The following COL25A1 variants were observed in gnomAD, a reference collection of about 807,000 sequenced individuals.
COL25A1 encodes the protein collagen alpha-1(XXV) chain.
In COL25A1, 103 loss-of-function variants were observed where a neutral mutation model predicts 128.4. The observed-to-expected ratio is 0.80, with a 90% CI of 0.68 to 0.94. COL25A1 has a LOEUF of 0.94. Ranked by LOEUF, COL25A1 falls within the 40% of genes least tolerant of loss-of-function variation. The pLI is 0.00. For missense variants in COL25A1, 745 were observed against 840.0 expected (o/e 0.89, Z 1.40); for synonymous variants, 279 against 277.2 (o/e 1.01, Z -0.06).
At chr4:109,275,968 C>T (rs544982055) in intron 3 of COL25A1, among the ~76,000 whole-genome samples, 108 of 152,324 alleles carry the variant, frequency 7.1e-4, no homozygotes, top group African/African-American at 2.5e-3. Context: ...AACACCTACC[C>T]ATTATTCAGT....
intron 5 of COL25A1, among the ~76,000 whole-genome samples, chr4:109,047,002 C>T (rs1192424890): frequency 6.6e-6 from 1 of 152,112 alleles, no homozygotes; most frequent in Non-Finnish European, 1.5e-5. Context: ...GAGTGCAAAA[C>T]AGACTGGAAT....
At chr4:109,026,274 T>C (rs1758279291) in intron 5 of COL25A1, among the ~76,000 whole-genome samples, 3 of 151,594 alleles carry the variant, frequency 2.0e-5, no homozygotes, top group African/African-American at 4.9e-5. Context: ...AAACTGAGGA[T>C]AAAAAAAACC....
intron 3 of COL25A1, among the ~76,000 whole-genome samples, chr4:109,104,032 T>C (rs565069109): frequency 8.5e-5 from 13 of 152,306 alleles, no homozygotes; most frequent in Non-Finnish European, 1.5e-4. Flanking sequence ...AAATTTTTTA[T>C]AGAAATATTC....
At chr4:109,035,988 C>T (rs751291166) in intron 5 of COL25A1, among the ~76,000 whole-genome samples, 1 of 151,878 alleles carries the variant, frequency 6.6e-6, no homozygotes, top group African/African-American at 2.4e-5. Context: ...AGTGCAGTGG[C>T]GTGATCTCGG....
chr4:109,121,728 A>G (rs947430849), intron 3 of COL25A1, among the ~76,000 whole-genome samples: 1 of 152,134 alleles, frequency 6.6e-6, no homozygotes, highest in African/African-American at 2.4e-5. Context: ...TTCTTACAAA[A>G]TGAAACATAC....
chr4:108,984,076 T>A (rs778064028), intron 6 of COL25A1, among the ~76,000 whole-genome samples: 1 of 151,974 alleles, frequency 6.6e-6, no homozygotes, highest in Non-Finnish European at 1.5e-5. Flanking sequence ...GACACAAAGG[T>A]TCTCCAAGGC....
At chr4:108,820,125 G>A (rs1415395297) in intron 35 of COL25A1, among the ~76,000 whole-genome samples, 1 of 152,156 alleles carries the variant, frequency 6.6e-6, no homozygotes, top group African/African-American at 2.4e-5. Flanking sequence ...AGAAGAAGGA[G>A]GCTTAAAAGC....
chr4:108,869,011 A>G (rs1248575758), intron 20 of COL25A1, 77 bp downstream of exon 20: 2 of 884,490 alleles, frequency 2.3e-6, no homozygotes, highest in Non-Finnish European at 3.6e-6. Flanking sequence ...GAAAGGAAAG[A>G]AAAGGAAAGG....
intron 6 of COL25A1, among the ~76,000 whole-genome samples, chr4:108,996,454 G>A (rs1754785634): frequency 6.6e-6 from 1 of 152,096 alleles, no homozygotes; most frequent in East Asian, 1.9e-4. Flanking sequence ...CAATAGAGGA[G>A]CACCCAGATT....
intron 16 of COL25A1, among the ~76,000 whole-genome samples, chr4:108,893,631 A>C (rs1394142576): frequency 1.3e-5 from 2 of 152,124 alleles, no homozygotes; most frequent in East Asian, 3.9e-4. Flanking sequence ...TTGAATCAAA[A>C]GGAAAAAAAA....
intron 12 of COL25A1, among the ~76,000 whole-genome samples, chr4:108,920,358 T>A (rs1038414393): frequency 1.3e-5 from 2 of 152,210 alleles, no homozygotes; most frequent in Non-Finnish European, 2.9e-5. Context: ...AGCAGACAAC[T>A]TAAAAAGAGT....
At chr4:109,141,531 CT>C (rs756393067) in intron 3 of COL25A1, among the ~76,000 whole-genome samples, 9 of 152,132 alleles carry the variant, frequency 5.9e-5, no homozygotes, top group Non-Finnish European at 1.3e-4. Context: ...CTTTGTACCT[CT>C]GGTAGAATTT....
At chr4:108,859,158 AT>A (rs1241352106) in intron 24 of COL25A1, among the ~76,000 whole-genome samples, 1 of 152,204 alleles carries the variant, frequency 6.6e-6, no homozygotes, top group African/African-American at 2.4e-5. Flanking sequence ...TATAATATAT[AT>A]TGTGCCATTT....
At chr4:108,869,225 A>AAATAAAT (rs1738401703) in intron 19 of COL25A1, 75 bp from the exon 20 acceptor site, 8 of 646,764 alleles carry the variant, frequency 1.2e-5, no homozygotes, top group African/African-American at 2.7e-5. Flanking sequence ...AATAAATAAA[A>AAATAAAT]ACTAAACTCA....
chr4:108,899,135 C>T lies in COL25A1; in HGVS notation c.861+19G>A, dbSNP rs1031914209. 1.2e-6 allele frequency: 2 copies of T among 1,607,140 alleles called. No homozygotes were observed. The highest frequency in any genetic ancestry group is 1.7e-6 in the Non-Finnish European group (2 of 1,176,440). On this transcript the variant is annotated intron_variant, in intron 15 of 37. Coordinates refer to ENST00000399132, the MANE Select transcript of COL25A1 (RefSeq NM_198721.4). ...GGTGGGGAGTAGGGAGAGAGAAATA[C>T]AGGCAGAATCATTCTTACCTTTTCA... is the stretch of plus-strand genomic sequence containing the variant.
intron 3 of COL25A1, among the ~76,000 whole-genome samples, chr4:109,067,465 A>G (rs920904104): frequency 6.6e-6 from 1 of 152,226 alleles, no homozygotes; most frequent in Admixed American, 6.5e-5. Context: ...TCTTCACTGC[A>G]TTTAAAAATT....
chr4:109,015,017 G>A (rs1193946231), intron 5 of COL25A1, among the ~76,000 whole-genome samples: 1 of 152,174 alleles, frequency 6.6e-6, no homozygotes, highest in Admixed American at 6.5e-5. Flanking sequence ...CGTCCTAATA[G>A]AGCCATCTGG....
chr4:108,967,293 C>A (rs1306960497), intron 8 of COL25A1, among the ~76,000 whole-genome samples: 1 of 152,094 alleles, frequency 6.6e-6, no homozygotes, highest in Non-Finnish European at 1.5e-5. Flanking sequence ...TTCTGTAACC[C>A]CTATCATTTC....
intron 3 of COL25A1, among the ~76,000 whole-genome samples, chr4:109,085,146 A>C (rs1293728452): frequency 6.6e-6 from 1 of 151,986 alleles, no homozygotes; most frequent in South Asian, 2.1e-4. Context: ...TGTCTTCTCT[A>C]TCTACTCTCT....
Sources: allele counts gnomAD v4.1 joint callset (sites outside exome capture counted in the v4.1 genomes callset), GRCh38; gene constraint gnomAD v4.1.1; transcripts MANE v1.5; gene names NCBI Gene and HGNC (gene_info 2026-07-23, HGNC 2026-07-21).